LRP6: variants seen among roughly 807,000 people sequenced by gnomAD.
LRP6 encodes LDL receptor related protein 6.
Under a neutral mutation model 184.1 loss-of-function variants are expected in LRP6, and 43 were observed. That is an observed-to-expected ratio of 0.23 (90% CI 0.18 to 0.30). The LOEUF (loss-of-function observed/expected upper bound fraction) is 0.30, where lower values mean the gene tolerates loss of function less well. LRP6 is among the 10% of genes least tolerant of loss of function. The probability of loss-of-function intolerance (pLI) is 1.00; values close to 1 mark genes in which losing one functional copy is unlikely to be tolerated. For synonymous variants in LRP6, 719 were observed against 684.9 expected (o/e 1.05, Z -0.78); for missense variants, 1,571 against 2,005.3 (o/e 0.78, Z 4.14).
chr12:12,158,148 A>C (rs1862644928), intron 12 of LRP6, among the ~76,000 whole-genome samples: 1 of 152,126 alleles, frequency 6.6e-6, no homozygotes, highest in Admixed American at 6.5e-5. Flanking sequence ...TGGCCTGTTA[A>C]ACATTTAAAT....
At chr12:12,178,196 C>T (rs777520968) in intron 7 of LRP6, among the ~76,000 whole-genome samples, 1 of 152,154 alleles carries the variant, frequency 6.6e-6, no homozygotes, top group Non-Finnish European at 1.5e-5. Flanking sequence ...GATGGTCACT[C>T]AGAACCTCCA....
At chr12:12,203,631 G>A (rs1392375141) in intron 2 of LRP6, among the ~76,000 whole-genome samples, 1 of 152,110 alleles carries the variant, frequency 6.6e-6, no homozygotes, top group African/African-American at 2.4e-5. Context: ...TGGGCATGGT[G>A]GTGGTGTGTG....
chr12:12,150,093 G>C (rs561001290), intron 13 of LRP6, among the ~76,000 whole-genome samples: 2 of 152,166 alleles, frequency 1.3e-5, no homozygotes, highest in Non-Finnish European at 2.9e-5. Context: ...TACAACTTAC[G>C]ATCACTGCTA....
chr12:12,170,110 G>A (rs915537674), intron 7 of LRP6, among the ~76,000 whole-genome samples: 3 of 152,120 alleles, frequency 2.0e-5, no homozygotes, highest in Admixed American at 6.5e-5. Context: ...CAAGGCGGGT[G>A]GATCACTTGA....
At chr12:12,246,873 C>G (rs1865200483) in intron 1 of LRP6, among the ~76,000 whole-genome samples, 1 of 152,162 alleles carries the variant, frequency 6.6e-6, no homozygotes, top group South Asian at 2.1e-4. Flanking sequence ...TTGTGTCTGT[C>G]AAATAGTTAT....
At chr12:12,258,280 A>G (rs1330246584) in intron 1 of LRP6, among the ~76,000 whole-genome samples, 3 of 152,094 alleles carry the variant, frequency 2.0e-5, no homozygotes, top group African/African-American at 7.2e-5. Context: ...TCGTGACCAG[A>G]TAATTTTTTA....
At chr12:12,145,488 C>T (rs892875551) in intron 15 of LRP6, among the ~76,000 whole-genome samples, 1 of 151,580 alleles carries the variant, frequency 6.6e-6, no homozygotes, top group African/African-American at 2.4e-5. Flanking sequence ...ACATGTATGT[C>T]TGTTTCTTTT....
chr12:12,182,156 T>C (rs987461984), intron 5 of LRP6, among the ~76,000 whole-genome samples: 2 of 152,166 alleles, frequency 1.3e-5, no homozygotes, highest in African/African-American at 4.8e-5. Flanking sequence ...TTTGGGAAAA[T>C]ATCTAATCTC....
At chr12:12,134,317 C>T (rs895824476) in intron 17 of LRP6, among the ~76,000 whole-genome samples, 4 of 130,250 alleles carry the variant, frequency 3.1e-5, no homozygotes, top group Admixed American at 8.3e-5. Context: ...TAATAATTTT[C>T]ACACCATTAG....
intron 12 of LRP6, 57 bp downstream of exon 12, chr12:12,158,772 C>G: frequency 1.9e-6 from 3 of 1,554,578 alleles, no homozygotes; most frequent in Non-Finnish European, 2.7e-6. Context: ...CACTAAAGTA[C>G]TTTGAAAATG....
intron 12 of LRP6, chr12:12,155,395 T>C: frequency 1.2e-6 from 1 of 803,902 alleles, no homozygotes; most frequent in Non-Finnish European, 2.2e-6. Flanking sequence ...ATCAAGGGAA[T>C]GGGTACTGTT....
rs1565529684 is a variant in LRP6 at position 12,126,722 on chromosome 12, T to C, written c.4281A>G (p.Pro1427=). 1.9e-6 allele frequency: 3 copies of C among 1,614,118 alleles called. No individual in the cohort carries two copies. The South Asian group carries it at 3.3e-5, about 18-fold the overall frequency. Residue 1427 remains proline (P), a synonymous_variant, in exon 20 of 23, where the codon CCA becomes CCG. Transcript: ENST00000261349. ...GAGATCCTGACAAAGAACTTGGGTG[T>C]GGCACATAACCAAGAGGCACAGAAG... is the stretch of plus-strand genomic sequence containing the variant. ...GPASVPLGYV[P]HPSSLSGSLP...
At chr12:12,180,007 T>C in intron 6 of LRP6, 26 bp from the exon 7 acceptor site, 1 of 1,571,196 alleles carries the variant, frequency 6.4e-7, no homozygotes, top group Non-Finnish European at 8.8e-7. Flanking sequence ...AAAAATGAGC[T>C]AAAAATAGAT....
chr12:12,188,453 AAGG>A (rs1226653867), intron 3 of LRP6, among the ~76,000 whole-genome samples: 1 of 152,186 alleles, frequency 6.6e-6, no homozygotes, highest in African/African-American at 2.4e-5. Context: ...CATATATTTT[AAGG>A]AAGATGATTC....
In LRP6 at chr12:12,138,515, T is replaced by C; in HGVS notation, c.3417A>G (p.Leu1139=). 6.2e-7 allele frequency: 1 copy of C among 1,613,724 alleles called. No homozygotes were observed. Among genetic ancestry groups the C allele is most frequent in the Non-Finnish European group, 8.5e-7 (1 of 1,179,670 alleles). ...CAGGCTGCAAGATATTGGAGTCTTC[T>C]AATACTATCCGGTTAGCACCTTGGA... is the stretch of plus-strand genomic sequence containing the variant. ...SDLSGANRIV[L]EDSNILQPVG... Residue 1139 remains leucine (L), a synonymous_variant, in exon 16 of 23, where the codon TTA becomes TTG. Transcript: ENST00000261349.
chr12:12,223,493 A>T (rs577672073), intron 2 of LRP6, among the ~76,000 whole-genome samples: 1 of 152,212 alleles, frequency 6.6e-6, no homozygotes, highest in Non-Finnish European at 1.5e-5. Context: ...GCACTTGTTT[A>T]TATCAATACA....
At chr12:12,130,256 G>A (rs900715250) in intron 19 of LRP6, among the ~76,000 whole-genome samples, 5 of 149,184 alleles carry the variant, frequency 3.4e-5, no homozygotes, top group East Asian at 2.0e-4. Context: ...GTGTGATCTC[G>A]GCTCAATGCA....
At chr12:12,129,621 C>T (rs1204228562) in intron 19 of LRP6, among the ~76,000 whole-genome samples, 2 of 151,944 alleles carry the variant, frequency 1.3e-5, no homozygotes, top group Admixed American at 6.6e-5. Context: ...GGCACGATCT[C>T]GGCTCACTGC....
intron 12 of LRP6, chr12:12,155,296 G>A (rs551487850): frequency 6.5e-5 from 49 of 753,422 alleles, no homozygotes; most frequent in African/African-American, 1.5e-4. Flanking sequence ...AGAGGCACCC[G>A]ATACGTGTTC....
Sources: gnomAD v4.1 joint callset for allele counts (sites outside exome capture counted in the v4.1 genomes callset) on GRCh38, gnomAD v4.1.1 for gene constraint, MANE v1.5 for transcripts, NCBI Gene and HGNC (gene_info 2026-07-23, HGNC 2026-07-21) for gene names.